Variants in MTA3 observed in about 807,000 individuals in gnomAD.
MTA3 encodes the protein metastasis-associated protein MTA3.
In MTA3, 34 loss-of-function variants were observed where a neutral mutation model predicts 83.5. That is an observed-to-expected ratio of 0.41 (90% CI 0.31 to 0.54). The LOEUF (loss-of-function observed/expected upper bound fraction) is 0.54, where lower values mean the gene tolerates loss of function less well. MTA3 is among the 20% of genes least tolerant of loss of function. The pLI, the probability that MTA3 is intolerant of heterozygous loss-of-function variation, is 0.33. For synonymous variants in MTA3, 303 were observed against 252.7 expected (o/e 1.20, Z -1.89); for missense variants, 761 against 726.4 (o/e 1.05, Z -0.55).
Position 42,756,333 on chromosome 2 carries a change from G to C in MTA3, c.*2934G>C. ...GGGCCCCAGCCTCTCCCCTCCTCTT[G>C]GCCTCCAGAGTCCTGCAGGTGCCTC... On this transcript the variant is annotated 3_prime_UTR_variant, in exon 17 of 17. Coordinates refer to ENST00000405094, the MANE Select transcript of MTA3 (RefSeq NM_001330442.2). 5 of 434,074 alleles carry C rather than the reference G, an allele frequency of 1.2e-5. No homozygotes were observed. The highest frequency in any genetic ancestry group is 1.5e-5 in the Non-Finnish European group (5 of 326,120). 26.9% of individuals were successfully genotyped at this position (434,074 alleles called of 1,614,324 possible).
intron 3 of MTA3, among the ~76,000 whole-genome samples, chr2:42,603,895 C>T (rs538128941): frequency 1.3e-5 from 2 of 152,270 alleles, no homozygotes; most frequent in East Asian, 1.9e-4. Context: ...GGACTACAGG[C>T]GCCCACCATC....
intron 4 of MTA3, among the ~76,000 whole-genome samples, chr2:42,636,543 A>G (rs1687212131): frequency 6.6e-6 from 1 of 151,680 alleles, no homozygotes; most frequent in Admixed American, 6.6e-5. Flanking sequence ...CCCTTTCTCA[A>G]AACAAAACAA....
upstream of MTA3, among the ~76,000 whole-genome samples, chr2:42,566,244 G>A (rs1028654622): frequency 9.2e-5 from 14 of 152,086 alleles, no homozygotes; most frequent in Non-Finnish European, 1.5e-4. Flanking sequence ...CTTTCCACCC[G>A]TCTTTGGTTG....
chr2:42,571,647 A>C (rs767770261), intron 2 of MTA3, among the ~76,000 whole-genome samples: 2 of 152,068 alleles, frequency 1.3e-5, no homozygotes, highest in African/African-American at 4.8e-5. Flanking sequence ...AGGGAACATA[A>C]TATTGAAAGG....
chr2:42,579,751 A>T (rs182124134), intron 3 of MTA3, among the ~76,000 whole-genome samples: 1 of 151,794 alleles, frequency 6.6e-6, no homozygotes, highest in African/African-American at 2.4e-5. Flanking sequence ...GAGTCTTGCT[A>T]TGTTGCCCAG....
At position 42,731,963 on chromosome 2, in the gene MTA3, C is replaced by T. The variant is rs528113687; in HGVS notation, c.1759+8928C>T. On this transcript the variant is annotated intron_variant, in intron 16 of 16. Transcript: ENST00000405094. The stretch of plus-strand genomic sequence containing the variant: ...TATAGAGCCCATTCAAGTCTGAAAT[C>T]CAGTTGGGCAGTCAAATTTTAAAGC... 2.0e-5 allele frequency among the ~76,000 whole-genome samples: 3 copies of T among 152,288 alleles called. No individual in the cohort carries two copies. In the South Asian group the frequency reaches 6.2e-4, roughly 32 times the overall value.
intron 8 of MTA3, among the ~76,000 whole-genome samples, chr2:42,663,572 G>A (rs890178701): frequency 1.3e-5 from 2 of 152,112 alleles, no homozygotes; most frequent in Non-Finnish European, 2.9e-5. Flanking sequence ...ACAGGCCTAG[G>A]CAACATAACA....
chr2:42,606,757 G>A (rs1011128390), intron 3 of MTA3, among the ~76,000 whole-genome samples: 5 of 151,664 alleles, frequency 3.3e-5, no homozygotes, highest in South Asian at 2.1e-4. Context: ...GTAGTGAGCC[G>A]AGATCACGCC....
chr2:42,580,118 A>G (rs1258946096), intron 3 of MTA3, among the ~76,000 whole-genome samples: 1 of 151,854 alleles, frequency 6.6e-6, no homozygotes, highest in Non-Finnish European at 1.5e-5. Context: ...TAATTTTAAA[A>G]AAGCGTGTTA....
intron 12 of MTA3, among the ~76,000 whole-genome samples, chr2:42,707,481 T>C (rs141879514): frequency 0.012 from 1,858 of 152,252 alleles, 28 homozygotes; most frequent in African/African-American, 0.043. Flanking sequence ...TCTCCTGACC[T>C]CATGGTCCGC....
intron 2 of MTA3, among the ~76,000 whole-genome samples, chr2:42,573,222 C>T (rs958716740): frequency 6.6e-6 from 1 of 152,214 alleles, no homozygotes; most frequent in Non-Finnish European, 1.5e-5. Context: ...CCTCAAAATG[C>T]CATCTGGTAA....
chr2:42,569,156 C>T (rs1402500533), intron 1 of MTA3, among the ~76,000 whole-genome samples: 7 of 151,564 alleles, frequency 4.6e-5, no homozygotes, highest in African/African-American at 1.5e-4. Flanking sequence ...GGGACATCCC[C>T]TCTCCTGCTT....
At chr2:42,571,555 T>C (rs1222245232) in intron 2 of MTA3, among the ~76,000 whole-genome samples, 2 of 152,200 alleles carry the variant, frequency 1.3e-5, no homozygotes, top group Non-Finnish European at 2.9e-5. Context: ...TCAGACCCTT[T>C]TTATGTTTAG....
chr2:42,543,647 ATTTTTTT>A (rs57792480), intron 2 of MTA3, among the ~76,000 whole-genome samples: 1 of 115,114 alleles, frequency 8.7e-6, no homozygotes, highest in Non-Finnish European at 1.8e-5. Context: ...GAGGTTACTG[ATTTTTTT>A]TTTTTTTTTT....
At chr2:42,615,972 A>C (rs1684829677) in intron 4 of MTA3, among the ~76,000 whole-genome samples, 3 of 150,830 alleles carry the variant, frequency 2.0e-5, no homozygotes, top group Non-Finnish European at 4.4e-5. Flanking sequence ...TGCCCACCTC[A>C]GCCTCCCAAA....
chr2:42,532,295 G>C (rs530650862), intron 2 of MTA3, among the ~76,000 whole-genome samples: 1 of 152,204 alleles, frequency 6.6e-6, no homozygotes, highest in African/African-American at 2.4e-5. Flanking sequence ...TGGATCACTT[G>C]AGGTCAGTAG....
chr2:42,534,413 C>T (rs1237546879), intron 2 of MTA3, among the ~76,000 whole-genome samples: 11 of 151,976 alleles, frequency 7.2e-5, no homozygotes, highest in East Asian at 3.9e-4. Flanking sequence ...CTGGCCAACA[C>T]GGCAAAACCC....
chr2:42,584,382 T>A (rs1420913504), intron 3 of MTA3, among the ~76,000 whole-genome samples: 1 of 152,198 alleles, frequency 6.6e-6, no homozygotes, highest in Non-Finnish European at 1.5e-5. Context: ...ATAACATCTT[T>A]CAAACTTAAA....
At chr2:42,608,911 T>A (rs1188759302) in intron 3 of MTA3, among the ~76,000 whole-genome samples, 1 of 152,152 alleles carries the variant, frequency 6.6e-6, no homozygotes, top group Non-Finnish European at 1.5e-5. Context: ...ATTTTTAAAT[T>A]GATATGTAAT....
Sources: allele counts gnomAD v4.1 joint callset (sites outside exome capture counted in the v4.1 genomes callset), GRCh38; gene constraint gnomAD v4.1.1; transcripts MANE v1.5; gene names NCBI Gene and HGNC (gene_info 2026-07-23, HGNC 2026-07-21).